Variants in ARFGEF3 observed in about 807,000 individuals in gnomAD.
ARFGEF3 encodes the protein brefeldin A-inhibited guanine nucleotide-exchange protein 3.
A neutral mutation model predicts 221.7 loss-of-function variants in ARFGEF3; 96 were observed. The observed-to-expected ratio is 0.43, with a 90% CI of 0.37 to 0.51. The LOEUF (loss-of-function observed/expected upper bound fraction) is 0.51. ARFGEF3 is among the 20% of genes least tolerant of loss of function. The probability of loss-of-function intolerance (pLI) is 0.00; values close to 1 mark genes in which losing one functional copy is unlikely to be tolerated. For missense variants in ARFGEF3, 2,410 were observed against 2,789.9 expected, an observed-to-expected ratio of 0.86 and a Z score of 3.07; for synonymous variants, 1,145 against 1,126.8, an observed-to-expected ratio of 1.02 and a Z score of -0.32.
At chr6:138,313,743 A>G (rs917996637) in intron 25 of ARFGEF3, 52 bp from the exon 26 acceptor site, 62 of 1,464,062 alleles carry the variant, frequency 4.2e-5, no homozygotes, top group African/African-American at 5.6e-5. Context: ...AAAACCCACA[A>G]TGCAGCTTTT....
chr6:138,216,924 C>T (rs926382006), intron 4 of ARFGEF3: 9 of 152,216 alleles, frequency 5.9e-5, no homozygotes, highest in African/African-American at 1.7e-4. Flanking sequence ...CCTCTTCCTG[C>T]TCATAAGGTT....
rs146281138 is a variant in ARFGEF3 at position 138,328,077 on chromosome 6, T to C, written c.5058T>C (p.Ala1686=). Residue 1686 remains alanine, a synonymous_variant, in exon 32 of 34, where the codon GCT becomes GCC. Transcript: ENST00000251691. ...AGACACCAAACAACTTTGACCACGC[T>C]CAGTCCTGCCAGCTCATTATTGAGC... is the stretch of plus-strand genomic sequence containing the variant. ...SPKTPNNFDH[A]QSCQLIIELP... is the part of the protein sequence containing the mutation. 40 of 1,568,588 alleles carry C rather than the reference T, an allele frequency of 2.6e-5. No homozygotes were observed. The African/African-American group carries it at 5.3e-4, about 21-fold the overall frequency.
At chr6:138,301,634 T>G (rs764125117) in intron 22 of ARFGEF3, among the ~76,000 whole-genome samples, 15 of 152,208 alleles carry the variant, frequency 9.9e-5, no homozygotes, top group Non-Finnish European at 1.6e-4. Context: ...AGGGACCAGA[T>G]AGTCTGTTCA....
chr6:138,218,197 C>T lies in ARFGEF3; in HGVS notation c.351+8156C>T. The T allele has an allele frequency of 1.9e-6, 3 of 1,613,912 alleles. No homozygotes were observed. The South Asian group carries it at 3.3e-5, about 18-fold the overall frequency. On this transcript the variant is annotated intron_variant, in intron 4 of 33. Transcript: ENST00000251691. The stretch of plus-strand genomic sequence containing the variant: ...TGTTCTATGGAATAATCAATGAACT[C>T]TGTTGCCTTTTGACTTCTTTTTACT...
At chr6:138,335,271 A>G (rs1448767534) in intron 33 of ARFGEF3, 83 bp downstream of exon 33, 1 of 1,357,084 alleles carries the variant, frequency 7.4e-7, no homozygotes, top group Non-Finnish European at 9.7e-7. Flanking sequence ...GCAGGCATAC[A>G]CAGGCTAAGA....
intron 2 of ARFGEF3, among the ~76,000 whole-genome samples, chr6:138,177,479 T>C (rs1776977873): frequency 6.6e-6 from 1 of 152,110 alleles, no homozygotes; most frequent in Admixed American, 6.5e-5. Context: ...TTGCAATGCA[T>C]TTTTCTGGGA....
At chr6:138,277,480 A>G (rs553841768) in intron 12 of ARFGEF3, among the ~76,000 whole-genome samples, 39 of 152,350 alleles carry the variant, frequency 2.6e-4, no homozygotes, top group African/African-American at 8.4e-4. Flanking sequence ...TTCTGGTTAT[A>G]TCGGAGTAGA....
chr6:138,192,697 G>C (rs11759254), intron 2 of ARFGEF3, among the ~76,000 whole-genome samples: 21,487 of 152,208 alleles, frequency 0.14, 1,879 homozygotes, highest in East Asian at 0.4. Flanking sequence ...GAGCTGGGGC[G>C]CTCCAGAGCA....
intron 24 of ARFGEF3, among the ~76,000 whole-genome samples, chr6:138,309,518 C>T (rs1400606300): frequency 6.6e-6 from 1 of 152,146 alleles, no homozygotes; most frequent in African/African-American, 2.4e-5. Flanking sequence ...AGCTGCTAAT[C>T]ATATGACACT....
rs1419318666 is a variant in ARFGEF3 at position 138,333,955 on chromosome 6, T to C, written c.5124-15T>C. ...GCAGAAAACCATTAATCGAGCCCTC[T>C]CTTTTCACTTGAAGCGTGTCTTTCA... On this transcript the variant is annotated splice_polypyrimidine_tract_variant and intron_variant, in intron 32 of 33. Coordinates refer to ENST00000251691, the MANE Select transcript of ARFGEF3 (RefSeq NM_020340.5). The C allele has an allele frequency of 1.0e-5, 16 of 1,591,642 alleles. No homozygotes were observed. In the East Asian group the frequency reaches 1.1e-4, roughly 11 times the overall value.
chr6:138,244,222 GAGGACC>G (rs1034847497), intron 7 of ARFGEF3, among the ~76,000 whole-genome samples: 1 of 152,030 alleles, frequency 6.6e-6, no homozygotes, highest in African/African-American at 2.4e-5. Context: ...TCTTAATTCT[GAGGACC>G]AGGCATTTAT....
Position 138,296,907 on chromosome 6 carries a change from G to A in ARFGEF3, c.3600G>A (p.Leu1200=). ...LRIVRSKARP[L]LHVMRCWSLV... is the part of the protein sequence containing the mutation. ...TTGTGCGGAGCAAAGCACGGCCCCT[G>A]CTCCACGTGATGCGCTGCTGGAGCC... Residue 1200 remains leucine (L), a synonymous_variant, in exon 21 of 34, where the codon CTG becomes CTA. Transcript: ENST00000251691. The A allele has an allele frequency of 1.2e-6, 2 of 1,613,978 alleles. No homozygotes were observed. Among genetic ancestry groups the A allele is most frequent in the Non-Finnish European group, 1.7e-6 (2 of 1,179,884 alleles).
rs569481504 is a variant in ARFGEF3, at chr6:138,221,566, T to A, written c.352-8218T>A. 3.9e-5 allele frequency among the ~76,000 whole-genome samples: 6 copies of A among 152,334 alleles called. No individual in the cohort carries two copies. In the South Asian group the frequency reaches 1.0e-3, roughly 26 times the overall value. ...GTCCTCTAGTTAGAGATGACAGTTATAAGACTTGGCCAGGGGAGAAGGTTT... is the reference window on the plus strand; with the variant it reads ...GTCCTCTAGTTAGAGATGACAGTTAAAAGACTTGGCCAGGGGAGAAGGTTT... On this transcript the variant is annotated intron_variant, in intron 4 of 33. Coordinates refer to ENST00000251691, the MANE Select transcript of ARFGEF3 (RefSeq NM_020340.5).
At chr6:138,230,579 A>G (rs937662540) in intron 5 of ARFGEF3, among the ~76,000 whole-genome samples, 3 of 152,246 alleles carry the variant, frequency 2.0e-5, no homozygotes, top group African/African-American at 7.2e-5. Flanking sequence ...ATGATGGAGA[A>G]AAAGGCTAAT....
intron 6 of ARFGEF3, among the ~76,000 whole-genome samples, 176 bp downstream of exon 6, chr6:138,238,807 C>T (rs1308490308): frequency 1.3e-5 from 2 of 152,188 alleles, no homozygotes; most frequent in East Asian, 3.8e-4. Flanking sequence ...GCCTATTTCA[C>T]CCTAAAGCTT....
At chr6:138,317,137 T>C in intron 26 of ARFGEF3, 114 bp from the exon 27 acceptor site, 1 of 1,062,864 alleles carries the variant, frequency 9.4e-7, no homozygotes, top group South Asian at 1.7e-5. Context: ...CACTGGGTGA[T>C]GGCTCACGTC....
At chr6:138,190,023 G>T (rs966249683) in intron 2 of ARFGEF3, among the ~76,000 whole-genome samples, 1 of 151,966 alleles carries the variant, frequency 6.6e-6, no homozygotes, top group Non-Finnish European at 1.5e-5. Context: ...GGTTGAGGCT[G>T]CAGTGAACCA....
chr6:138,337,150 T>C lies in ARFGEF3; in HGVS notation c.*664T>C, dbSNP rs1213456741. 6.5e-6 allele frequency: 1 copy of C among 152,698 alleles called. No homozygotes were observed. Among genetic ancestry groups the C allele is most frequent in the Non-Finnish European group, 1.5e-5 (1 of 68,054 alleles). The allele number at this position is 152,698 out of a possible 1,614,324, so 9.5% of individuals were successfully genotyped here. Reference sequence around the variant, plus strand: ...TGTTGTACCTTTATTTCTGTATTTCTAAAAGAAGAAAGTTCTTTCCTAGCA... The same window carrying C: ...TGTTGTACCTTTATTTCTGTATTTCCAAAAGAAGAAAGTTCTTTCCTAGCA... On this transcript the variant is annotated 3_prime_UTR_variant, in exon 34 of 34. Coordinates refer to ENST00000251691, the MANE Select transcript of ARFGEF3 (RefSeq NM_020340.5).
At chr6:138,330,547 G>C (rs1780210021) in intron 32 of ARFGEF3, among the ~76,000 whole-genome samples, 1 of 152,172 alleles carries the variant, frequency 6.6e-6, no homozygotes, top group African/African-American at 2.4e-5. Flanking sequence ...GCTCATGCCT[G>C]TAATCCCAGC....
Sources: allele counts gnomAD v4.1 joint callset (sites outside exome capture counted in the v4.1 genomes callset), GRCh38; gene constraint gnomAD v4.1.1; transcripts MANE v1.5; gene names NCBI Gene and HGNC (gene_info 2026-07-23, HGNC 2026-07-21).